Variants in CDH13 observed in about 807,000 individuals in gnomAD.
CDH13 encodes the protein cadherin 13, also known as cadherin-13.
In CDH13, 24 loss-of-function variants were observed where a neutral mutation model predicts 63.8. The ratio of observed to expected loss-of-function variants is 0.38; its 90% CI spans 0.27 to 0.53. CDH13 has a LOEUF of 0.53. CDH13 is among the 20% of genes least tolerant of loss of function. The pLI is 0.85. For synonymous variants in CDH13, 503 were observed against 355.3 expected (o/e 1.42, Z -4.67); for missense variants, 1,049 against 903.1 (o/e 1.16, Z -2.07).
At chr16:82,651,373 C>G (rs1294842245) in intron 1 of CDH13, among the ~76,000 whole-genome samples, 1 of 152,162 alleles carries the variant, frequency 6.6e-6, no homozygotes, top group African/African-American at 2.4e-5. Flanking sequence ...TGATCTTCAC[C>G]CAACCATCAG....
At position 83,167,514 on chromosome 16, in the gene CDH13, A is replaced by G. The variant is rs529962467; in HGVS notation, c.483+42013A>G. Among the ~76,000 whole-genome samples, 32 of 151,186 alleles carry G rather than the reference A, an allele frequency of 2.1e-4. 1 individual carries two copies. In the East Asian group the frequency reaches 4.9e-3, roughly 23 times the overall value. On this transcript the variant is annotated intron_variant, in intron 4 of 13. Coordinates refer to ENST00000567109, the MANE Select transcript of CDH13 (RefSeq NM_001257.5). ...GACCCTTTCCCAAAAAAAAAAAAAA[A>G]AAAAAAAGCATTACAAGTTGGAGTA...
intron 4 of CDH13, among the ~76,000 whole-genome samples, chr16:83,161,797 A>G (rs1337636449): frequency 2.0e-5 from 3 of 152,066 alleles, no homozygotes; most frequent in African/African-American, 7.2e-5. Context: ...ACAAACAACA[A>G]CTCTAAAAGA....
At chr16:83,546,020 A>C (rs776860284) in intron 7 of CDH13, among the ~76,000 whole-genome samples, 1 of 152,218 alleles carries the variant, frequency 6.6e-6, no homozygotes, top group Non-Finnish European at 1.5e-5. Flanking sequence ...GCTAATACTT[A>C]AGTCCAGAAG....
rs1214843589 is a variant in CDH13, at chr16:83,056,755, C to T, written c.366+24537C>T. On this transcript the variant is annotated intron_variant, in intron 3 of 13. Coordinates refer to ENST00000567109, the MANE Select transcript of CDH13 (RefSeq NM_001257.5). ...GGGATCCAGTGGCAGGTAATTGAAT[C>T]ACGGGGGTGGGTTTTTCCCATGCTG... 5.3e-5 allele frequency among the ~76,000 whole-genome samples: 8 copies of T among 152,222 alleles called. No individual in the cohort carries two copies. The East Asian group carries it at 1.4e-3, about 26-fold the overall frequency.
chr16:83,217,646 A>T (rs906959669), intron 5 of CDH13, 149 bp downstream of exon 5: 1 of 758,840 alleles, frequency 1.3e-6, no homozygotes, highest in Non-Finnish European at 2.1e-6. Context: ...AAGTGGATGG[A>T]ATTGAACCCT....
At chr16:83,636,512 C>T (rs980600132) in intron 8 of CDH13, among the ~76,000 whole-genome samples, 5 of 152,248 alleles carry the variant, frequency 3.3e-5, no homozygotes, top group South Asian at 4.2e-4. Flanking sequence ...GTTTAACTCT[C>T]ACTTCGGACT....
chr16:83,651,706 C>A (rs1011863737), intron 8 of CDH13, among the ~76,000 whole-genome samples: 1 of 149,748 alleles, frequency 6.7e-6, no homozygotes, highest in Non-Finnish European at 1.5e-5. Context: ...AGAAATTCTC[C>A]TGCCTCAGCC....
chr16:83,630,818 G>A (rs910827629), intron 8 of CDH13, among the ~76,000 whole-genome samples: 3 of 152,188 alleles, frequency 2.0e-5, no homozygotes. Flanking sequence ...TTGTGAGGGA[G>A]ATATTTTCTA....
At position 83,079,897 on chromosome 16, in the gene CDH13, T is replaced by C. The variant is rs113366684; in HGVS notation, c.367-45488T>C. Among the ~76,000 whole-genome samples, 4 of 152,344 alleles carry C rather than the reference T, an allele frequency of 2.6e-5. 1 individual carries two copies. Among genetic ancestry groups the C allele is most frequent in the African/African-American group, 9.6e-5 (4 of 41,584 alleles). ...AACAAGTCATTAAAAACAAGCTTATTTCTAATTTCAGCCTAATGCTGATAG... is the reference window on the plus strand; with the variant it reads ...AACAAGTCATTAAAAACAAGCTTATCTCTAATTTCAGCCTAATGCTGATAG... On this transcript the variant is annotated intron_variant, in intron 3 of 13. Coordinates refer to ENST00000567109, the MANE Select transcript of CDH13 (RefSeq NM_001257.5).
chr16:82,682,764 G>A (rs1358826940), intron 1 of CDH13, among the ~76,000 whole-genome samples: 1 of 152,188 alleles, frequency 6.6e-6, no homozygotes, highest in African/African-American at 2.4e-5. Flanking sequence ...TTGCTTCTGA[G>A]AAAAATATTG....
chr16:83,424,178 A>T (rs2071812904), intron 6 of CDH13, among the ~76,000 whole-genome samples: 1 of 151,858 alleles, frequency 6.6e-6, no homozygotes, highest in Non-Finnish European at 1.5e-5. Context: ...AGGGAAATCT[A>T]ACACGTACTG....
intron 2 of CDH13, among the ~76,000 whole-genome samples, chr16:82,900,547 AT>A (rs1408754479): frequency 6.6e-6 from 1 of 152,200 alleles, no homozygotes; most frequent in Non-Finnish European, 1.5e-5. Context: ...AAGGATTTCT[AT>A]TTTGTTATTT....
chr16:83,141,205 A>T (rs2036515862), intron 4 of CDH13, among the ~76,000 whole-genome samples: 1 of 152,208 alleles, frequency 6.6e-6, no homozygotes, highest in South Asian at 2.1e-4. Flanking sequence ...ACCTCACTTG[A>T]TAGATAAGAC....
intron 6 of CDH13, among the ~76,000 whole-genome samples, chr16:83,441,884 G>C (rs955888328): frequency 7.9e-5 from 12 of 152,150 alleles, no homozygotes; most frequent in African/African-American, 2.9e-4. Context: ...CTTTGTTCAG[G>C]ATATTTTTAA....
intron 1 of CDH13, among the ~76,000 whole-genome samples, chr16:82,690,960 G>T (rs1197429349): frequency 6.6e-6 from 1 of 152,222 alleles, no homozygotes; most frequent in Non-Finnish European, 1.5e-5. Context: ...GGAAGGTAAA[G>T]GTTGAGAGGA....
intron 6 of CDH13, among the ~76,000 whole-genome samples, chr16:83,360,603 C>G (rs556006834): frequency 6.6e-5 from 10 of 152,206 alleles, no homozygotes; most frequent in African/African-American, 2.2e-4. Flanking sequence ...ATTTTTCAAC[C>G]CTTTCTCACC....
intron 5 of CDH13, among the ~76,000 whole-genome samples, chr16:83,341,950 A>C (rs1423041119): frequency 6.7e-6 from 1 of 149,724 alleles, no homozygotes; most frequent in Non-Finnish European, 1.5e-5. Flanking sequence ...CTCAGCAATA[A>C]GGTTTTCTCC....
intron 6 of CDH13, among the ~76,000 whole-genome samples, chr16:83,378,981 A>G (rs905393775): frequency 6.7e-6 from 1 of 149,130 alleles, no homozygotes; most frequent in African/African-American, 2.4e-5. Context: ...AATTGTATAT[A>G]CACATGCATC....
chr16:83,170,925 G>C (rs538601373), intron 4 of CDH13, among the ~76,000 whole-genome samples: 2 of 152,080 alleles, frequency 1.3e-5, no homozygotes, highest in East Asian at 3.9e-4. Flanking sequence ...TTTTGCCTTG[G>C]CCCTCTTCCA....
Sources: allele counts gnomAD v4.1 joint callset (sites outside exome capture counted in the v4.1 genomes callset), GRCh38; gene constraint gnomAD v4.1.1; transcripts MANE v1.5; gene names NCBI Gene and HGNC (gene_info 2026-07-23, HGNC 2026-07-21).